Variants in STOX2 observed in about 807,000 individuals in gnomAD.
STOX2 encodes storkhead box 2.
Under a neutral mutation model 60.9 loss-of-function variants are expected in STOX2, and 28 were observed. The ratio of observed to expected loss-of-function variants is 0.46; its 90% CI spans 0.34 to 0.63. STOX2 has a LOEUF of 0.63. Among genes scored for constraint, STOX2 ranks in the 30% least tolerant of loss-of-function variants. The pLI, the probability that STOX2 is intolerant of heterozygous loss-of-function variation, is 0.01. For synonymous variants in STOX2, 472 were observed against 463.9 expected, an observed-to-expected ratio of 1.02 and a Z score of -0.22; for missense variants, 1,024 against 1,187.7, an observed-to-expected ratio of 0.86 and a Z score of 2.03.
At chr4:183,999,467 G>A (rs574551849) in intron 1 of STOX2, among the ~76,000 whole-genome samples, 1 of 152,218 alleles carries the variant, frequency 6.6e-6, no homozygotes, top group South Asian at 2.1e-4. Context: ...CTGGATGTGG[G>A]TACTCCTGTC....
At chr4:183,976,464 T>C (rs144371741) in intron 1 of STOX2, among the ~76,000 whole-genome samples, 1 of 152,114 alleles carries the variant, frequency 6.6e-6, no homozygotes, top group East Asian at 1.9e-4. Context: ...CAACAATCTA[T>C]GTAGGATTAA....
chr4:183,971,684 G>A (rs963682718), intron 1 of STOX2, among the ~76,000 whole-genome samples: 3 of 152,158 alleles, frequency 2.0e-5, no homozygotes, highest in Non-Finnish European at 4.4e-5. Context: ...ATTTTTTAAG[G>A]CTAAAATAAA....
chr4:183,866,609 A>T (rs1740573535), intron 1 of STOX2, among the ~76,000 whole-genome samples: 1 of 152,170 alleles, frequency 6.6e-6, no homozygotes, highest in Admixed American at 6.5e-5. Context: ...CCCGGCAATG[A>T]TGTGTTTGCA....
At chr4:183,807,031 G>A (rs377285137) in intron 1 of STOX2, among the ~76,000 whole-genome samples, 1 of 151,958 alleles carries the variant, frequency 6.6e-6, no homozygotes, top group East Asian at 1.9e-4. Context: ...GGAGTGCAGT[G>A]GCGCGATCTC....
chr4:183,918,255 A>G (rs1213816650), intron 1 of STOX2, among the ~76,000 whole-genome samples: 1 of 152,256 alleles, frequency 6.6e-6, no homozygotes, highest in African/African-American at 2.4e-5. Context: ...GGAAATTCAC[A>G]GAATTATTCA....
At chr4:183,863,652 C>T (rs1161218004) in intron 1 of STOX2, among the ~76,000 whole-genome samples, 1 of 152,164 alleles carries the variant, frequency 6.6e-6, no homozygotes, top group Non-Finnish European at 1.5e-5. Flanking sequence ...AAAGCAGGAA[C>T]CAGTCTTATC....
chr4:183,969,125 T>C (rs1393064365), intron 1 of STOX2, among the ~76,000 whole-genome samples: 2 of 152,240 alleles, frequency 1.3e-5, no homozygotes, highest in South Asian at 2.1e-4. Context: ...ATGAATGTGG[T>C]AGACATGTGG....
chr4:183,841,686 CAG>C (rs1739866424), intron 1 of STOX2, among the ~76,000 whole-genome samples: 2 of 152,178 alleles, frequency 1.3e-5, no homozygotes, highest in Non-Finnish European at 2.9e-5. Context: ...AAAATAGAGA[CAG>C]AAAAAAATAC....
At chr4:183,800,314 G>A (rs1481545567) in intron 1 of STOX2, among the ~76,000 whole-genome samples, 2 of 152,130 alleles carry the variant, frequency 1.3e-5, no homozygotes, top group Non-Finnish European at 2.9e-5. Flanking sequence ...TCAAATGCTG[G>A]CGGGGGGCCG....
chr4:183,936,284 T>G (rs1193668891), intron 1 of STOX2, among the ~76,000 whole-genome samples: 2 of 152,216 alleles, frequency 1.3e-5, no homozygotes, highest in African/African-American at 2.4e-5. Flanking sequence ...AGCTATAGCC[T>G]CGTGTAGCCT....
chr4:183,970,365 C>T (rs977937570), intron 1 of STOX2, among the ~76,000 whole-genome samples: 14 of 152,106 alleles, frequency 9.2e-5, no homozygotes, highest in Admixed American at 2.6e-4. Context: ...TAAATGATTG[C>T]CCAGCCACAA....
At position 184,005,450 on chromosome 4, in the gene STOX2, G is replaced by A. The variant is rs1303083032; in HGVS notation, c.320-3708G>A. Among the ~76,000 whole-genome samples, 6 of 66,772 alleles carry A rather than the reference G, an allele frequency of 9.0e-5. No homozygotes were observed. In the East Asian group the frequency reaches 2.2e-3, roughly 25 times the overall value. 43.8% of individuals were successfully genotyped at this position (66,772 alleles called of 152,430 possible). ...TCCAGCTTGGGTGACAGAGTGAGAC[G>A]ATATCTCAAAAAAAAAAAAAAAAAA... is the stretch of plus-strand genomic sequence containing the variant. On this transcript the variant is annotated intron_variant, in intron 2 of 3. Coordinates refer to ENST00000308497, the MANE Select transcript of STOX2 (RefSeq NM_020225.3).
chr4:184,007,054 T>C (rs1366043422), intron 2 of STOX2, among the ~76,000 whole-genome samples: 1 of 150,612 alleles, frequency 6.6e-6, no homozygotes, highest in Non-Finnish European at 1.5e-5. Context: ...AAAAATTTTG[T>C]TATTATTGGT....
At chr4:183,870,255 A>G (rs1740658501) in intron 1 of STOX2, among the ~76,000 whole-genome samples, 2 of 152,194 alleles carry the variant, frequency 1.3e-5, no homozygotes, top group Non-Finnish European at 2.9e-5. Context: ...TTAACACTAC[A>G]TGTGATTGTG....
chr4:183,802,562 A>G (rs1213175801), intron 1 of STOX2, among the ~76,000 whole-genome samples: 5 of 148,830 alleles, frequency 3.4e-5, no homozygotes, highest in Non-Finnish European at 7.4e-5. Flanking sequence ...TTTTTTTTGT[A>G]GAGACAGGGT....
chr4:183,885,174 C>T (rs559788089), intron 1 of STOX2, among the ~76,000 whole-genome samples: 3 of 152,186 alleles, frequency 2.0e-5, no homozygotes, highest in African/African-American at 4.8e-5. Context: ...TATAGTCGCC[C>T]ACCGCCCCCC....
chr4:183,907,248 C>T (rs1228374237), intron 1 of STOX2, among the ~76,000 whole-genome samples: 1 of 152,212 alleles, frequency 6.6e-6, no homozygotes, highest in Admixed American at 6.5e-5. Flanking sequence ...CTGCAGCCTC[C>T]TCGAGCTTTG....
chr4:183,930,516 T>C (rs1017364448), intron 1 of STOX2, among the ~76,000 whole-genome samples: 1 of 150,422 alleles, frequency 6.6e-6, no homozygotes, highest in Non-Finnish European at 1.5e-5. Flanking sequence ...TTTTTTGTTT[T>C]TTGTTTTTTT....
chr4:183,814,143 G>A lies in STOX2; in HGVS notation c.364+16088G>A, dbSNP rs147601259. Among the ~76,000 whole-genome samples the A allele has an allele frequency of 1.6e-3, 240 of 152,160 alleles. 3 individuals are homozygous for A. Among genetic ancestry groups the A allele is most frequent in the African/African-American group, 5.5e-3 (227 of 41,524 alleles). On this transcript the variant is annotated intron_variant, in intron 1 of 2. Transcript: ENST00000513034. The stretch of plus-strand genomic sequence containing the variant: ...AAATTGCATATAATCTAAATGCCAC[G>A]AATGGAAAATATTAGGTAAATTATG...
Sources: gnomAD v4.1 joint callset for allele counts (sites outside exome capture counted in the v4.1 genomes callset) on GRCh38, gnomAD v4.1.1 for gene constraint, MANE v1.5 for transcripts, NCBI Gene and HGNC (gene_info 2026-07-23, HGNC 2026-07-21) for gene names.